The following RASEF variants were observed in gnomAD, a reference collection of about 807,000 sequenced individuals.
RASEF encodes the protein RAS and EF-hand domain containing.
Under a neutral mutation model 90.1 loss-of-function variants are expected in RASEF, and 68 were observed. The ratio of observed to expected loss-of-function variants is 0.75; its 90% CI spans 0.62 to 0.92. RASEF has a LOEUF of 0.92. RASEF is among the 40% of genes least tolerant of loss of function. The pLI, the probability that RASEF is intolerant of heterozygous loss-of-function variation, is 0.00. For missense variants in RASEF, 949 were observed against 937.2 expected (o/e 1.01, Z -0.16); for synonymous variants, 331 against 345.2 (o/e 0.96, Z 0.46).
the RASEF span, among the ~76,000 whole-genome samples, chr9:83,119,761 A>G: frequency 0.03 from 4,497 of 152,266 alleles, 229 homozygotes; most frequent in African/African-American, 0.1. Context: ...AATCATGGGG[A>G]CAAATCTTTC....
At chr9:83,196,138 G>C in the RASEF span, among the ~76,000 whole-genome samples, 5 of 152,142 alleles carry the variant, frequency 3.3e-5, no homozygotes, top group Non-Finnish European at 7.3e-5. Context: ...GGTTGAAGTG[G>C]AAAGGATCAA....
At chr9:83,153,845 T>G in the RASEF span, among the ~76,000 whole-genome samples, 4 of 152,204 alleles carry the variant, frequency 2.6e-5, no homozygotes, top group Non-Finnish European at 4.4e-5. Flanking sequence ...TAGGCTCAAG[T>G]GTGTCACCTA....
At chr9:83,106,487 C>G in the RASEF span, among the ~76,000 whole-genome samples, 1 of 152,132 alleles carries the variant, frequency 6.6e-6, no homozygotes, top group African/African-American at 2.4e-5. Flanking sequence ...GAGACTTCAG[C>G]ACATGCTCAT....
chr9:83,006,694 A>AG (rs1484154203), intron 7 of RASEF, among the ~76,000 whole-genome samples: 4 of 152,198 alleles, frequency 2.6e-5, no homozygotes, highest in East Asian at 3.9e-4. Context: ...ACTTGGGGAG[A>AG]GGGAAAAAAA....
At chr9:83,022,824 T>C (rs188744531) in intron 2 of RASEF, among the ~76,000 whole-genome samples, 1 of 152,164 alleles carries the variant, frequency 6.6e-6, no homozygotes, top group African/African-American at 2.4e-5. Flanking sequence ...TACTGAATAC[T>C]GGAAGTAACT....
At chr9:83,190,597 TTAA>T in the RASEF span, among the ~76,000 whole-genome samples, 1 of 152,240 alleles carries the variant, frequency 6.6e-6, no homozygotes, top group Non-Finnish European at 1.5e-5. Flanking sequence ...TATCTTGTGC[TTAA>T]TGATGCCAAC....
chr9:83,110,954 C>A, the RASEF span, among the ~76,000 whole-genome samples: 2 of 152,078 alleles, frequency 1.3e-5, no homozygotes, highest in Admixed American at 1.3e-4. Flanking sequence ...AAATCACAAA[C>A]CACATGACAC....
chr9:83,207,366 A>G, the RASEF span, among the ~76,000 whole-genome samples: 1 of 152,054 alleles, frequency 6.6e-6, no homozygotes, highest in Non-Finnish European at 1.5e-5. Context: ...GTCTGCACTA[A>G]TCTTCAGTCC....
chr9:83,213,412 A>AG, the RASEF span, among the ~76,000 whole-genome samples: 28 of 152,124 alleles, frequency 1.8e-4, no homozygotes, highest in African/African-American at 6.7e-4. Context: ...AAAAAAAAAA[A>AG]AAGATAAAAA....
chr9:83,104,502 T>C, the RASEF span, among the ~76,000 whole-genome samples: 4 of 152,296 alleles, frequency 2.6e-5, no homozygotes, highest in African/African-American at 9.6e-5. Flanking sequence ...CAAAATGTTG[T>C]ATGCAACCAC....
chr9:83,101,747 A>C, the RASEF span, among the ~76,000 whole-genome samples: 1 of 152,168 alleles, frequency 6.6e-6, no homozygotes, highest in Non-Finnish European at 1.5e-5. Flanking sequence ...TATGGGAAAA[A>C]CAGTTAAGTT....
intron 12 of RASEF, among the ~76,000 whole-genome samples, chr9:82,999,957 C>T (rs192998058): frequency 1.2e-4 from 18 of 148,338 alleles, no homozygotes; most frequent in Admixed American, 4.1e-4. Context: ...TTGGCCAAAA[C>T]AAGAAAGACC....
intron 1 of RASEF, among the ~76,000 whole-genome samples, chr9:83,054,449 A>G (rs1384102323): frequency 1.6e-5 from 1 of 61,584 alleles, no homozygotes; most frequent in Non-Finnish European, 2.9e-5. Flanking sequence ...CATTCTTCTA[A>G]ATTTTTTTCA....
chr9:83,009,824 G>C (rs1170268840), intron 5 of RASEF, 68 bp from the exon 6 acceptor site: 2 of 932,088 alleles, frequency 2.1e-6, no homozygotes, highest in African/African-American at 3.2e-5. Flanking sequence ...ATGAAGTAAA[G>C]TGTCCTGTCA....
At chr9:83,083,926 G>A in the RASEF span, among the ~76,000 whole-genome samples, 5 of 152,002 alleles carry the variant, frequency 3.3e-5, no homozygotes, top group Non-Finnish European at 5.9e-5. Context: ...AAATACCTGT[G>A]TACAAGGATA....
chr9:83,140,364 T>C, the RASEF span, among the ~76,000 whole-genome samples: 3 of 152,198 alleles, frequency 2.0e-5, no homozygotes, highest in Non-Finnish European at 4.4e-5. Flanking sequence ...CTAATGCTGA[T>C]TCAAAGTCTT....
intron 16 of RASEF, among the ~76,000 whole-genome samples, chr9:82,988,167 T>G (rs1228164049): frequency 6.6e-6 from 1 of 152,238 alleles, no homozygotes; most frequent in Non-Finnish European, 1.5e-5. Context: ...AATCCAACAG[T>G]TATTTGATCT....
chr9:83,139,429 A>G, the RASEF span, among the ~76,000 whole-genome samples: 2 of 152,348 alleles, frequency 1.3e-5, no homozygotes, highest in Non-Finnish European at 2.9e-5. Flanking sequence ...CTGATAACAT[A>G]AACAGTTGAT....
the RASEF span, among the ~76,000 whole-genome samples, chr9:83,215,480 G>A: frequency 6.6e-6 from 1 of 152,162 alleles, no homozygotes; most frequent in African/African-American, 2.4e-5. Context: ...GTGCTCCCCT[G>A]GCTCCTGCCT....
Sources: allele counts gnomAD v4.1 joint callset (sites outside exome capture counted in the v4.1 genomes callset), GRCh38; gene constraint gnomAD v4.1.1; transcripts MANE v1.5; gene names NCBI Gene and HGNC (gene_info 2026-07-23, HGNC 2026-07-21).